DNER: variants seen among roughly 807,000 people sequenced by gnomAD.
DNER encodes delta/notch like EGF repeat containing, also known as delta and Notch-like epidermal growth factor-related receptor.
Under a neutral mutation model 78.2 loss-of-function variants are expected in DNER, and 33 were observed. The observed-to-expected ratio is 0.42, with a 90% CI of 0.32 to 0.56. DNER has a LOEUF of 0.56. Ranked by LOEUF, DNER falls within the 20% of genes least tolerant of loss-of-function variation. The probability of loss-of-function intolerance (pLI) is 0.11; values close to 1 mark genes in which losing one functional copy is unlikely to be tolerated. For missense variants in DNER, 918 were observed against 975.3 expected (o/e 0.94, Z 0.78); for synonymous variants, 417 against 384.8 (o/e 1.08, Z -0.98).
chr2:229,687,468 T>C (rs1401870844), intron 1 of DNER, among the ~76,000 whole-genome samples: 1 of 152,092 alleles, frequency 6.6e-6, no homozygotes, highest in African/African-American at 2.4e-5. Flanking sequence ...TTCATCATGT[T>C]GGCCAGGCTG....
At chr2:229,584,745 A>G (rs1697467624) in intron 4 of DNER, among the ~76,000 whole-genome samples, 1 of 152,144 alleles carries the variant, frequency 6.6e-6, no homozygotes, top group African/African-American at 2.4e-5. Context: ...CCTGGCCAAC[A>G]TGGTGAAACC....
intron 11 of DNER, among the ~76,000 whole-genome samples, chr2:229,369,368 A>G (rs1459722617): frequency 6.6e-5 from 10 of 150,698 alleles, no homozygotes; most frequent in African/African-American, 2.0e-4. Flanking sequence ...AAAAGTTAAA[A>G]AAAAGTTTTA....
At chr2:229,654,271 C>A (rs989079607) in intron 1 of DNER, among the ~76,000 whole-genome samples, 1 of 152,096 alleles carries the variant, frequency 6.6e-6, no homozygotes, top group Non-Finnish European at 1.5e-5. Flanking sequence ...ACTAGAAATA[C>A]CATTTGACCC....
intron 1 of DNER, among the ~76,000 whole-genome samples, chr2:229,646,523 G>A (rs1698721839): frequency 6.6e-6 from 1 of 152,194 alleles, no homozygotes; most frequent in African/African-American, 2.4e-5. Context: ...AACTTATGGA[G>A]GAAAAGGCTT....
At chr2:229,392,360 C>T (rs1489404699) in intron 10 of DNER, among the ~76,000 whole-genome samples, 1 of 151,852 alleles carries the variant, frequency 6.6e-6, no homozygotes, top group African/African-American at 2.4e-5. Flanking sequence ...AACAGCTGAG[C>T]ACCACAATCA....
In DNER at chr2:229,648,653, A is replaced by T. The variant is rs922642279; in HGVS notation, c.277-56765T>A. On this transcript the variant is annotated intron_variant, in intron 1 of 12. Coordinates refer to ENST00000341772, the MANE Select transcript of DNER (RefSeq NM_139072.4). ...TCTAGTTTTCCAAAGAATTCTTTTT[A>T]AAAATAATCTTTAGTTTTGCACTGG... Among the ~76,000 whole-genome samples, 13 of 152,214 alleles carry T rather than the reference A, an allele frequency of 8.5e-5. 1 individual carries two copies. Among genetic ancestry groups the T allele is most frequent in the Admixed American group, 8.5e-4 (13 of 15,288 alleles).
At chr2:229,550,302 C>T (rs570323483) in intron 4 of DNER, among the ~76,000 whole-genome samples, 1 of 152,030 alleles carries the variant, frequency 6.6e-6, no homozygotes, top group Admixed American at 6.6e-5. Context: ...CAATTTTATG[C>T]ATATTTTAAA....
intron 5 of DNER, among the ~76,000 whole-genome samples, chr2:229,517,841 C>T (rs958939825): frequency 2.6e-5 from 4 of 152,180 alleles, no homozygotes; most frequent in Non-Finnish European, 5.9e-5. Context: ...AAGAAACTAT[C>T]CAGTCCCAAA....
chr2:229,406,192 C>T lies in DNER; in HGVS notation c.1723+1040G>A, dbSNP rs539219244. On this transcript the variant is annotated intron_variant, in intron 10 of 12. Transcript: ENST00000341772. Reference sequence around the variant, plus strand: ...AAATTCTCCGGGGCTTGGGAGGTGGCCACAGTGGCTTAGCAGGGGAGAGGT... The same window carrying T: ...AAATTCTCCGGGGCTTGGGAGGTGGTCACAGTGGCTTAGCAGGGGAGAGGT... Among the ~76,000 whole-genome samples the T allele has an allele frequency of 1.4e-3, 220 of 152,248 alleles. 1 individual carries two copies. The highest frequency in any genetic ancestry group is 0.01 in the South Asian group (50 of 4,818).
At chr2:229,511,911 A>G (rs909226054) in intron 6 of DNER, among the ~76,000 whole-genome samples, 1 of 152,254 alleles carries the variant, frequency 6.6e-6, no homozygotes, top group Non-Finnish European at 1.5e-5. Flanking sequence ...ATAGACTGAT[A>G]GCATCAAATG....
At position 229,418,239 on chromosome 2, in the gene DNER, C is replaced by A. The variant is rs370254814; in HGVS notation, c.1487-9G>T. ...GTAGAGGCCATGGTAACCTGAGGGA[C>A]AGAGAGAAAGGCCCACTGTCAAATG... On this transcript the variant is annotated splice_polypyrimidine_tract_variant and intron_variant, in intron 8 of 12. Transcript: ENST00000341772. 1 of 1,613,640 alleles carries A rather than the reference C, an allele frequency of 6.2e-7. No homozygotes were observed. Among genetic ancestry groups the A allele is most frequent in the Admixed American group, 1.7e-5 (1 of 60,010 alleles).
chr2:229,496,126 G>T (rs1466976471), intron 6 of DNER, among the ~76,000 whole-genome samples: 1 of 152,130 alleles, frequency 6.6e-6, no homozygotes, highest in Non-Finnish European at 1.5e-5. Flanking sequence ...ACCACCACAG[G>T]CTTGAAAAAC....
At chr2:229,688,774 A>G (rs1204653884) in intron 1 of DNER, among the ~76,000 whole-genome samples, 1 of 152,212 alleles carries the variant, frequency 6.6e-6, no homozygotes. Context: ...GATAGACTGG[A>G]TAATGTGGCA....
chr2:229,475,329 C>T (rs988021638), intron 7 of DNER, among the ~76,000 whole-genome samples: 2 of 152,196 alleles, frequency 1.3e-5, no homozygotes, highest in Admixed American at 1.3e-4. Flanking sequence ...GCCCTGCAAG[C>T]CTTGCCCTGC....
intron 4 of DNER, among the ~76,000 whole-genome samples, chr2:229,572,664 G>A (rs1697236594): frequency 6.6e-6 from 1 of 152,168 alleles, no homozygotes; most frequent in African/African-American, 2.4e-5. Context: ...TTGATAGTGG[G>A]AGAGAGAATT....
At chr2:229,589,351 G>C (rs1259817483) in intron 2 of DNER, among the ~76,000 whole-genome samples, 1 of 152,194 alleles carries the variant, frequency 6.6e-6, no homozygotes, top group East Asian at 1.9e-4. Context: ...CCTACAATCA[G>C]ATTCTATGGA....
intron 12 of DNER, among the ~76,000 whole-genome samples, chr2:229,365,597 T>A (rs1692328152): frequency 6.6e-6 from 1 of 152,080 alleles, no homozygotes; most frequent in Non-Finnish European, 1.5e-5. Flanking sequence ...CCACCATGCC[T>A]GGCTAATTTT....
At chr2:229,521,660 A>G (rs976786907) in intron 5 of DNER, among the ~76,000 whole-genome samples, 4 of 152,242 alleles carry the variant, frequency 2.6e-5, no homozygotes. Flanking sequence ...CAGATTTAGT[A>G]TTTCAAGAAG....
At chr2:229,411,225 T>C (rs1693511855) in intron 9 of DNER, among the ~76,000 whole-genome samples, 1 of 152,206 alleles carries the variant, frequency 6.6e-6, no homozygotes, top group Admixed American at 6.5e-5. Flanking sequence ...GGAGTTCTCT[T>C]CCTTCCCATT....
Sources: allele counts gnomAD v4.1 joint callset (sites outside exome capture counted in the v4.1 genomes callset), GRCh38; gene constraint gnomAD v4.1.1; transcripts MANE v1.5; gene names NCBI Gene and HGNC (gene_info 2026-07-23, HGNC 2026-07-21).